The following AQP9 variants were observed in gnomAD, a reference collection of about 807,000 sequenced individuals.
The protein encoded by AQP9 is aquaporin-9.
In AQP9, 19 loss-of-function variants were observed where a neutral mutation model predicts 23.8. The ratio of observed to expected loss-of-function variants is 0.80; its 90% confidence interval spans 0.56 to 1.17. The LOEUF is 1.17. Ranked by LOEUF, AQP9 falls within the 50% of genes most tolerant of loss-of-function variation. AQP9 has a pLI of 0.00. For missense variants in AQP9, 413 were observed against 362.0 expected (o/e 1.14, Z -1.14); for synonymous variants, 153 against 131.5 (o/e 1.16, Z -1.12).
intron 1 of AQP9, among the ~76,000 whole-genome samples, chr15:58,147,398 G>C (rs1313108852): frequency 2.0e-5 from 3 of 152,156 alleles, no homozygotes; most frequent in African/African-American, 7.2e-5. Context: ...GGCTGAAGCA[G>C]TTCAACCGTG....
chr15:58,140,840 G>A (rs528082200), intron 1 of AQP9, among the ~76,000 whole-genome samples: 1 of 152,066 alleles, frequency 6.6e-6, no homozygotes, highest in East Asian at 1.9e-4. Context: ...CTTATGGGGA[G>A]CATCTCAAAC....
In AQP9 at chr15:58,171,156, C is replaced by T. The variant is rs145367141; in HGVS notation, c.239-1912C>T. On this transcript the variant is annotated intron_variant, in intron 2 of 5. Transcript: ENST00000219919. ...AGGCTGGAGTACAGTGGCACCATCT[C>T]GGCTCACTGCAACCTCCGCCTCCTG... 3.9e-3 allele frequency among the ~76,000 whole-genome samples: 586 copies of T among 151,592 alleles called. 3 individuals carry two copies. The highest frequency in any genetic ancestry group is 0.014 in the African/African-American group (566 of 41,214).
rs761021408 is a variant in AQP9 at position 58,184,112 on chromosome 15, T to A, written c.865T>A (p.Tyr289Asn). Residue 289 changes from tyrosine (Y) to asparagine (N), a missense_variant, in exon 6 of 6, where the codon TAT becomes AAT. Tyr to Asn is a moderately radical substitution (Grantham distance 143). Transcript: ENST00000219919. ...ACAATCTGAGGACAAACCAGAGAAA[T>A]ATGAACTCAGTGTCATCATGTAGTG... Reference protein sequence around the residue: ...TEQSEDKPEKYELSVIM With the variant: ...TEQSEDKPEKNELSVIM 2.5e-6 allele frequency: 4 copies of A among 1,613,906 alleles called. No individual in the cohort carries two copies. Among genetic ancestry groups the A allele is most frequent in the East Asian group, 4.5e-5 (2 of 44,876 alleles).
At chr15:58,176,645 T>C (rs1301267992) in intron 4 of AQP9, among the ~76,000 whole-genome samples, 2 of 150,218 alleles carry the variant, frequency 1.3e-5, no homozygotes, top group Non-Finnish European at 3.0e-5. Flanking sequence ...AGACTGAGCC[T>C]GTTGCCCCAG....
chr15:58,138,754 T>C, intron 1 of AQP9, 78 bp downstream of exon 1: 1 of 1,277,446 alleles, frequency 7.8e-7, no homozygotes, highest in South Asian at 1.3e-5. Flanking sequence ...AGAGTTTTGT[T>C]TGGTTTGTTT....
Position 58,183,989 on chromosome 15 carries a change from G to A in AQP9, c.742G>A (p.Val248Ile), listed in dbSNP as rs759858030. 5 of 1,614,042 alleles carry A rather than the reference G, an allele frequency of 3.1e-6. No individual in the cohort carries two copies. The highest frequency in any genetic ancestry group is 1.3e-5 in the African/African-American group (1 of 74,926). ...TGGAAACAACTTCTGGTGGATTCCTGTAGTGGGCCCTTTGGTTGGTGCTGT... is the reference window on the plus strand; with the variant it reads ...TGGAAACAACTTCTGGTGGATTCCTATAGTGGGCCCTTTGGTTGGTGCTGT... ...RAGNNFWWIP[V>I]VGPLVGAVIG... is the part of the protein sequence containing the mutation. The change falls in exon 6 of 6, where the codon GTA becomes ATA. Residue 248 changes from valine (V) to isoleucine (I), a missense_variant. By Grantham distance (29) the Val-to-Ile change is conservative. Coordinates refer to ENST00000219919, the MANE Select transcript of AQP9 (RefSeq NM_020980.5).
intron 1 of AQP9, among the ~76,000 whole-genome samples, 191 bp from the exon 2 acceptor site, chr15:58,166,482 G>A (rs1595738717): frequency 6.6e-6 from 1 of 152,224 alleles, no homozygotes; most frequent in East Asian, 1.9e-4. Context: ...TCATCTATCT[G>A]TAAGCCAAAT....
intron 2 of AQP9, among the ~76,000 whole-genome samples, chr15:58,170,837 T>G (rs1898604102): frequency 6.6e-6 from 1 of 152,190 alleles, no homozygotes. Context: ...AAATTTTATT[T>G]TGGAAGACGA....
chr15:58,169,835 G>A (rs940414009), intron 2 of AQP9, among the ~76,000 whole-genome samples: 2 of 152,200 alleles, frequency 1.3e-5, no homozygotes, highest in African/African-American at 4.8e-5. Context: ...TGCTATTGAT[G>A]TAGTATTTTA....
rs184198155 is a variant in AQP9 at position 58,149,353 on chromosome 15, G to T, written c.111+10677G>T. 2.0e-5 allele frequency among the ~76,000 whole-genome samples: 3 copies of T among 152,334 alleles called. No homozygotes were observed. The East Asian group carries it at 5.8e-4, about 29-fold the overall frequency. On this transcript the variant is annotated intron_variant, in intron 1 of 5. Transcript: ENST00000219919. Reference sequence around the variant, plus strand: ...GTGCGTGAGAGTGCCTCACCATGGCGCAAATGCCATGTGAATGTTTCCTCC... The same window carrying T: ...GTGCGTGAGAGTGCCTCACCATGGCTCAAATGCCATGTGAATGTTTCCTCC...
At chr15:58,161,532 G>A (rs565406986) in intron 1 of AQP9, among the ~76,000 whole-genome samples, 9 of 152,176 alleles carry the variant, frequency 5.9e-5, no homozygotes, top group Admixed American at 2.0e-4. Context: ...TCAGCTTCCC[G>A]CTTTCCCTCT....
chr15:58,177,283 A>G (rs1192330921), intron 4 of AQP9, among the ~76,000 whole-genome samples: 3 of 152,244 alleles, frequency 2.0e-5, no homozygotes, highest in Admixed American at 6.5e-5. Context: ...CTACTTAGCC[A>G]AGTACAGCTC....
chr15:58,138,719 T>A (rs1440898139), intron 1 of AQP9, 43 bp downstream of exon 1: 1 of 1,539,882 alleles, frequency 6.5e-7, no homozygotes, highest in African/African-American at 1.4e-5. Flanking sequence ...CAATAATGCC[T>A]CCCTAGCTGC....
chr15:58,145,564 A>G (rs1423626814), intron 1 of AQP9, among the ~76,000 whole-genome samples: 1 of 152,064 alleles, frequency 6.6e-6, no homozygotes, highest in Admixed American at 6.6e-5. Context: ...TGAACAACAC[A>G]AAAACTTTAA....
intron 1 of AQP9, among the ~76,000 whole-genome samples, chr15:58,159,063 C>T (rs1375313154): frequency 1.3e-5 from 2 of 152,148 alleles, no homozygotes; most frequent in East Asian, 1.9e-4. Flanking sequence ...AGCAGGGTTA[C>T]GTGCAATAAA....
chr15:58,181,538 A>G (rs954881754), intron 5 of AQP9, among the ~76,000 whole-genome samples: 1 of 152,178 alleles, frequency 6.6e-6, no homozygotes, highest in Non-Finnish European at 1.5e-5. Context: ...TCAGGCAGAG[A>G]GAACCGTTAT....
intron 1 of AQP9, 159 bp from the exon 2 acceptor site, chr15:58,166,514 T>G: frequency 1.1e-6 from 1 of 875,000 alleles, no homozygotes; most frequent in East Asian, 2.9e-5. Context: ...TCCACCATTT[T>G]GCTATCTGTG....
At chr15:58,157,042 G>T (rs1041981170) in intron 1 of AQP9, among the ~76,000 whole-genome samples, 2 of 152,082 alleles carry the variant, frequency 1.3e-5, no homozygotes, top group Non-Finnish European at 2.9e-5. Context: ...ACATATATAT[G>T]TGCATATATA....
intron 1 of AQP9, among the ~76,000 whole-genome samples, chr15:58,142,492 T>C (rs1258668578): frequency 6.6e-6 from 1 of 152,222 alleles, no homozygotes; most frequent in Non-Finnish European, 1.5e-5. Flanking sequence ...ACAGGAGATC[T>C]GCTAGCAGAG....
Sources: allele counts gnomAD v4.1 joint callset (sites outside exome capture counted in the v4.1 genomes callset), GRCh38; gene constraint gnomAD v4.1.1; transcripts MANE v1.5; gene names NCBI Gene and HGNC (gene_info 2026-07-23, HGNC 2026-07-21).